Variants in ZNF562 observed in about 807,000 individuals in gnomAD.
ZNF562 encodes zinc finger protein 562.
Under a neutral mutation model 17.5 loss-of-function variants are expected in ZNF562, and 13 were observed. The observed-to-expected ratio is 0.74, with a 90% CI of 0.48 to 1.18. The LOEUF (loss-of-function observed/expected upper bound fraction) is 1.18, where lower values mean the gene tolerates loss of function less well. Among genes scored for constraint, ZNF562 ranks in the 50% most tolerant of loss-of-function variants. ZNF562 has a pLI of 0.00. For missense variants in ZNF562, 481 were observed against 498.5 expected, an observed-to-expected ratio of 0.96 and a Z score of 0.33; for synonymous variants, 163 against 165.4, an observed-to-expected ratio of 0.99 and a Z score of 0.11.
At chr19:9,662,317 T>TA (rs2043782628) in intron 1 of ZNF562, among the ~76,000 whole-genome samples, 1 of 152,182 alleles carries the variant, frequency 6.6e-6, no homozygotes, top group African/African-American at 2.4e-5. Context: ...CTCACACTTG[T>TA]AATCTCAGTA....
At chr19:9,671,050 G>T (rs1479675978) in intron 1 of ZNF562, among the ~76,000 whole-genome samples, 1 of 149,480 alleles carries the variant, frequency 6.7e-6, no homozygotes, top group East Asian at 2.0e-4. Flanking sequence ...ACAGTTAGAA[G>T]AAATAAGAAC....
intron 1 of ZNF562, among the ~76,000 whole-genome samples, chr19:9,669,775 C>CACA: frequency 6.7e-6 from 1 of 149,320 alleles, no homozygotes; most frequent in East Asian, 2.0e-4. Context: ...CACACACACA[C>CACA]AACCAGTCAG....
chr19:9,654,151 G>A (rs2043373213), intron 5 of ZNF562, among the ~76,000 whole-genome samples: 1 of 151,900 alleles, frequency 6.6e-6, no homozygotes, highest in African/African-American at 2.4e-5. Flanking sequence ...CTACTGCACT[G>A]GGGAGTTTTT....
At chr19:9,659,911 G>T in intron 2 of ZNF562, among the ~76,000 whole-genome samples, 1 of 108,494 alleles carries the variant, frequency 9.2e-6, no homozygotes, top group African/African-American at 3.5e-5. Context: ...GGCCAACATG[G>T]CAAAACCCCG....
At chr19:9,662,299 C>A (rs1399401757) in intron 1 of ZNF562, among the ~76,000 whole-genome samples, 1 of 152,088 alleles carries the variant, frequency 6.6e-6, no homozygotes, top group African/African-American at 2.4e-5. Context: ...GATGGCCAGG[C>A]GCGGTGGCTC....
intron 1 of ZNF562, among the ~76,000 whole-genome samples, chr19:9,669,816 C>T (rs1018259648): frequency 1.3e-5 from 2 of 151,336 alleles, no homozygotes; most frequent in African/African-American, 2.4e-5. Context: ...AATCCCAGCT[C>T]TTTAGGAGGC....
In ZNF562 at chr19:9,648,232, T is replaced by C. The variant is rs2074822647; in HGVS notation, c.*4717A>G. 1 of 152,232 alleles carries C rather than the reference T, an allele frequency of 6.6e-6. No homozygotes were observed. Among genetic ancestry groups the C allele is most frequent in the Non-Finnish European group, 1.5e-5 (1 of 68,044 alleles). The allele number at this position is 152,232 out of a possible 1,614,324, so 9.4% of individuals were successfully genotyped here. ...TTTTAAGTGATCCATTATGTCACAG[T>C]CGAGCTTATCCAGGAATACAAGGTT... On this transcript the variant is annotated 3_prime_UTR_variant, in exon 6 of 6. Transcript: ENST00000453372.
chr19:9,660,665 T>G, intron 2 of ZNF562, 55 bp downstream of exon 2: 1 of 1,593,700 alleles, frequency 6.3e-7, no homozygotes, highest in Non-Finnish European at 8.6e-7. Flanking sequence ...ACTCTTATGT[T>G]GTGGAGGGCG....
rs773544234 is a variant in ZNF562, at chr19:9,651,524, A to T, written c.*1425T>A. The T allele has an allele frequency of 3.3e-5, 5 of 152,222 alleles. No individual in the cohort carries two copies. The highest frequency in any genetic ancestry group is 7.3e-5 in the Non-Finnish European group (5 of 68,044). The allele number at this position is 152,222 out of a possible 1,614,324, so 9.4% of individuals were successfully genotyped here. On this transcript the variant is annotated 3_prime_UTR_variant, in exon 6 of 6. Coordinates refer to ENST00000453372, the MANE Select transcript of ZNF562 (RefSeq NM_001130031.2). ...AACAAAATCTCTGCAGCACTGTGAC[A>T]TGCTCGTGATGGCTATGACGCCCAT...
At chr19:9,655,698 G>C in intron 5 of ZNF562, among the ~76,000 whole-genome samples, 1 of 136,386 alleles carries the variant, frequency 7.3e-6, no homozygotes, top group African/African-American at 2.8e-5. Context: ...GGGATTACAG[G>C]ATTCACTTTC....
intron 5 of ZNF562, among the ~76,000 whole-genome samples, chr19:9,655,717 CTTTTTTTTTTTTTTTTT>C (rs58199071): frequency 1.3e-3 from 62 of 48,700 alleles, no homozygotes; most frequent in East Asian, 2.7e-3. Context: ...TCTTTTCTTT[CTTTTTTTTTTTTTTTTT>C]TTTTTTTTTT....
At chr19:9,654,378 G>A (rs772042966) in intron 5 of ZNF562, among the ~76,000 whole-genome samples, 5 of 152,102 alleles carry the variant, frequency 3.3e-5, no homozygotes, top group African/African-American at 4.8e-5. Flanking sequence ...AACCTCAAAC[G>A]CCTGGCTGGG....
At chr19:9,663,826 A>T (rs866509415) in intron 1 of ZNF562, among the ~76,000 whole-genome samples, 25 of 151,964 alleles carry the variant, frequency 1.6e-4, no homozygotes, top group Middle Eastern at 3.4e-3. Flanking sequence ...ACAGGACTCC[A>T]GAGTAGCTGG....
chr19:9,663,328 A>G (rs1194954797), intron 1 of ZNF562, among the ~76,000 whole-genome samples: 1 of 150,826 alleles, frequency 6.6e-6, no homozygotes, highest in Non-Finnish European at 1.5e-5. Flanking sequence ...GGAGAATGGC[A>G]TGAACCCAGG....
intron 4 of ZNF562, 99 bp downstream of exon 4, chr19:9,657,910 C>G (rs2043575292): frequency 6.9e-7 from 1 of 1,440,932 alleles, no homozygotes; most frequent in African/African-American, 1.4e-5. Flanking sequence ...ATGCTAGTAT[C>G]AAACTCCCAG....
In ZNF562 at chr19:9,669,754, A is replaced by ACACACG. The variant is rs1555699580; in HGVS notation, c.-131+5260_-131+5261insCGTGTG. On this transcript the variant is annotated intron_variant, in intron 1 of 5. Transcript: ENST00000453372. The stretch of plus-strand genomic sequence containing the variant: ...CGCGCGCACACACACACACACACAC[A>ACACACG]CACACACACACACACACACACAACC... 9.1e-4 allele frequency among the ~76,000 whole-genome samples: 136 copies of ACACACG among 149,622 alleles called. 2 individuals are homozygous for ACACACG. The South Asian group carries it at 0.024, about 27-fold the overall frequency.
intron 3 of ZNF562, among the ~76,000 whole-genome samples, chr19:9,658,980 G>A (rs1296997840): frequency 2.0e-5 from 3 of 152,116 alleles, no homozygotes; most frequent in African/African-American, 7.2e-5. Context: ...GCACAAACAG[G>A]CTAGGAGCTC....
intron 1 of ZNF562, among the ~76,000 whole-genome samples, chr19:9,666,001 C>T (rs1485979164): frequency 6.7e-6 from 1 of 148,226 alleles, no homozygotes; most frequent in African/African-American, 2.5e-5. Context: ...AGAGAGAGAC[C>T]TAGTCTTTAA....
chr19:9,673,086 A>G (rs1251009074), intron 1 of ZNF562, among the ~76,000 whole-genome samples: 5 of 151,894 alleles, frequency 3.3e-5, no homozygotes, highest in Non-Finnish European at 7.4e-5. Flanking sequence ...TCCCTTGGCT[A>G]CTCATTCTGC....
Sources: gnomAD v4.1 joint callset for allele counts (sites outside exome capture counted in the v4.1 genomes callset) on GRCh38, gnomAD v4.1.1 for gene constraint, MANE v1.5 for transcripts, NCBI Gene and HGNC (gene_info 2026-07-23, HGNC 2026-07-21) for gene names.